RPS6KC1: variants seen among roughly 807,000 people sequenced by gnomAD.
RPS6KC1 encodes the protein ribosomal protein S6 kinase C1, also known as inactive ribosomal protein S6 kinase delta-1.
In RPS6KC1, 54 loss-of-function variants were observed where a neutral mutation model predicts 103.8. That is an observed-to-expected ratio of 0.52 (90% confidence interval 0.42 to 0.65). The LOEUF (loss-of-function observed/expected upper bound fraction) is 0.65, where lower values mean the gene tolerates loss of function less well. Among genes scored for constraint, RPS6KC1 ranks in the 30% least tolerant of loss-of-function variants. The pLI is 0.00. For synonymous variants in RPS6KC1, 439 were observed against 438.7 expected (o/e 1.00, Z -0.01); for missense variants, 1,151 against 1,253.8 (o/e 0.92, Z 1.24).
the RPS6KC1 span, among the ~76,000 whole-genome samples, chr1:213,408,082 G>A: frequency 6.6e-6 from 1 of 152,208 alleles, no homozygotes; most frequent in Non-Finnish European, 1.5e-5. Flanking sequence ...GGAGACACCA[G>A]GACATTCATT....
rs1399470761 is a variant in RPS6KC1 at position 213,242,317 on chromosome 1, G to A, written c.2821+20G>A. ...ATAGAGGTCAGGAACTTTTGCAAAT[G>A]CATTTCTTTTTATTCGCTGTTGCTT... On this transcript the variant is annotated intron_variant, in intron 11 of 14. Coordinates refer to ENST00000366960, the MANE Select transcript of RPS6KC1 (RefSeq NM_012424.6). 1.9e-5 allele frequency: 30 copies of A among 1,611,644 alleles called. No homozygotes were observed. Among genetic ancestry groups the A allele is most frequent in the African/African-American group, 5.3e-5 (4 of 74,876 alleles).
At chr1:213,061,035 C>T (rs576173368) in intron 1 of RPS6KC1, among the ~76,000 whole-genome samples, 7 of 151,854 alleles carry the variant, frequency 4.6e-5, no homozygotes, top group Non-Finnish European at 1.0e-4. Context: ...TTGCATACAG[C>T]TGCCTTCTTG....
chr1:213,748,133 G>A, the RPS6KC1 span, among the ~76,000 whole-genome samples: 1 of 152,156 alleles, frequency 6.6e-6, no homozygotes, highest in Non-Finnish European at 1.5e-5. Context: ...AGTGCTCACA[G>A]ATGGCCCATG....
chr1:213,090,131 G>T (rs1286700558), intron 3 of RPS6KC1, among the ~76,000 whole-genome samples: 1 of 152,166 alleles, frequency 6.6e-6, no homozygotes, highest in East Asian at 1.9e-4. Context: ...TCAGGATGTG[G>T]TATTCTCACC....
At chr1:213,820,300 C>A in the RPS6KC1 span, 1 of 152,120 alleles carries the variant, frequency 6.6e-6, no homozygotes, top group African/African-American at 2.4e-5. Flanking sequence ...AAAGCTGGCC[C>A]GGAGACTGCC....
the RPS6KC1 span, among the ~76,000 whole-genome samples, chr1:213,383,471 G>A: frequency 6.6e-6 from 1 of 152,162 alleles, no homozygotes; most frequent in Non-Finnish European, 1.5e-5. Flanking sequence ...CCATTTGCTG[G>A]TTGTGTGCTC....
At chr1:213,681,659 A>G in the RPS6KC1 span, among the ~76,000 whole-genome samples, 1 of 152,148 alleles carries the variant, frequency 6.6e-6, no homozygotes, top group Non-Finnish European at 1.5e-5. Flanking sequence ...TTAGCTGGGC[A>G]TCATGGTACA....
chr1:213,211,814 A>G (rs2093514781), intron 8 of RPS6KC1, among the ~76,000 whole-genome samples: 1 of 152,198 alleles, frequency 6.6e-6, no homozygotes, highest in African/African-American at 2.4e-5. Flanking sequence ...ATTTTGCATC[A>G]CTTTAGTGCA....
the RPS6KC1 span, among the ~76,000 whole-genome samples, chr1:213,284,960 C>G: frequency 6.6e-6 from 1 of 152,198 alleles, no homozygotes; most frequent in African/African-American, 2.4e-5. Context: ...GATTTTATAT[C>G]CAGCAAAACT....
the RPS6KC1 span, among the ~76,000 whole-genome samples, chr1:213,842,613 GC>G: frequency 6.6e-6 from 1 of 152,142 alleles, no homozygotes. Flanking sequence ...TCTACTAATA[GC>G]CCCACAACAC....
intron 7 of RPS6KC1, among the ~76,000 whole-genome samples, chr1:213,173,372 G>C (rs921725257): frequency 3.9e-5 from 6 of 152,186 alleles, no homozygotes; most frequent in African/African-American, 1.4e-4. Context: ...GTCTTTGCAA[G>C]AGTAACCTTA....
At chr1:213,750,455 C>G in the RPS6KC1 span, among the ~76,000 whole-genome samples, 1 of 152,176 alleles carries the variant, frequency 6.6e-6, no homozygotes, top group African/African-American at 2.4e-5. Context: ...TTAATACAAG[C>G]TGGAAGGGAC....
intron 8 of RPS6KC1, among the ~76,000 whole-genome samples, chr1:213,185,533 A>T (rs751172286): frequency 1.3e-5 from 2 of 152,096 alleles, no homozygotes; most frequent in Non-Finnish European, 2.9e-5. Flanking sequence ...CTGTAATCCC[A>T]GCTACGTGGG....
In RPS6KC1 at chr1:213,068,483, C is replaced by CAAAA. The variant is rs71147057; in HGVS notation, c.106-2500_106-2497dup. Among the ~76,000 whole-genome samples, 56 of 36,344 alleles carry CAAAA rather than the reference C, an allele frequency of 1.5e-3. 7 individuals carry two copies. The highest frequency in any genetic ancestry group is 5.8e-3 in the African/African-American group (51 of 8,860). 23.8% of individuals were successfully genotyped at this position (36,344 alleles called of 152,430 possible). A position where few individuals can be genotyped will look rare whatever the true frequency, so the allele number is the denominator to read the frequency against. On this transcript the variant is annotated intron_variant, in intron 1 of 14. Coordinates refer to ENST00000366960, the MANE Select transcript of RPS6KC1 (RefSeq NM_012424.6). ...TGGGTGACAGAGCAAGACTCTGTCT[C>CAAAA]AAAAAAAAAAAAAAAAAAAAAAAAA...
At chr1:213,059,094 T>C (rs2077592221) in intron 1 of RPS6KC1, among the ~76,000 whole-genome samples, 2 of 152,252 alleles carry the variant, frequency 1.3e-5, no homozygotes. Context: ...TTTTGTGTTG[T>C]CTTTATATCA....
the RPS6KC1 span, among the ~76,000 whole-genome samples, chr1:213,817,105 G>A: frequency 6.6e-6 from 1 of 152,200 alleles, no homozygotes; most frequent in Non-Finnish European, 1.5e-5. Flanking sequence ...GCTGGAGGCT[G>A]CTCCCCCAAG....
chr1:213,770,411 T>G, the RPS6KC1 span, among the ~76,000 whole-genome samples: 7 of 152,182 alleles, frequency 4.6e-5, no homozygotes, highest in Non-Finnish European at 1.0e-4. Flanking sequence ...CATACCTAAA[T>G]GTATGTGAAA....
chr1:213,151,461 C>T (rs2088885876), intron 6 of RPS6KC1, among the ~76,000 whole-genome samples: 1 of 138,712 alleles, frequency 7.2e-6, no homozygotes, highest in Non-Finnish European at 1.6e-5. Flanking sequence ...GGGCGGCTGG[C>T]CGGGCGGGGG....
chr1:213,183,880 CAA>C (rs750252171), intron 8 of RPS6KC1, among the ~76,000 whole-genome samples: 5 of 151,940 alleles, frequency 3.3e-5, no homozygotes, highest in Admixed American at 6.6e-5. Context: ...AAACCTCTAA[CAA>C]GAGAGACAAA....
Sources: allele counts gnomAD v4.1 joint callset (sites outside exome capture counted in the v4.1 genomes callset), GRCh38; gene constraint gnomAD v4.1.1; transcripts MANE v1.5; gene names NCBI Gene and HGNC (gene_info 2026-07-23, HGNC 2026-07-21).